THAP5: variants seen among roughly 807,000 people sequenced by gnomAD.
The protein encoded by THAP5 is THAP domain-containing protein 5.
THAP5 carries 26 observed loss-of-function variants against 34.0 expected under a neutral mutation model. That is an observed-to-expected ratio of 0.77 (90% confidence interval 0.56 to 1.06). THAP5 has a LOEUF of 1.06. Among genes scored for constraint, THAP5 ranks in the 50% least tolerant of loss-of-function variants. The probability of loss-of-function intolerance (pLI) is 0.00; values close to 1 mark genes in which losing one functional copy is unlikely to be tolerated. For synonymous variants in THAP5, 125 were observed against 153.0 expected, an observed-to-expected ratio of 0.82 and a Z score of 1.35; for missense variants, 394 against 452.8, an observed-to-expected ratio of 0.87 and a Z score of 1.18.
chr7:108,555,855 A>G (rs1250248517), intron 1 of THAP5, among the ~76,000 whole-genome samples: 2 of 151,816 alleles, frequency 1.3e-5, no homozygotes, highest in African/African-American at 2.4e-5. Flanking sequence ...GGCGAGCACC[A>G]CCATGCCTGG....
intron 2 of THAP5, 44 bp downstream of exon 2, chr7:108,565,786 T>C: frequency 1.6e-5 from 22 of 1,404,046 alleles, no homozygotes; most frequent in Non-Finnish European, 2.1e-5. Context: ...CACCCTGAAA[T>C]CTGCCACTCT....
chr7:108,548,337 A>C, the THAP5 span, among the ~76,000 whole-genome samples: 1 of 152,232 alleles, frequency 6.6e-6, no homozygotes, highest in Admixed American at 6.5e-5. Context: ...TGTGCTAGAC[A>C]ATGAAGCTAA....
the THAP5 span, among the ~76,000 whole-genome samples, chr7:108,542,171 T>C: frequency 6.6e-6 from 1 of 152,216 alleles, no homozygotes; most frequent in South Asian, 2.1e-4. Context: ...TCTATATCTA[T>C]ATCTATATCT....
intron 2 of THAP5, 131 bp from the exon 3 acceptor site, chr7:108,565,236 A>G: frequency 1.5e-6 from 1 of 649,250 alleles, no homozygotes. Context: ...AGCTCAGAGT[A>G]TATATACCTT....
chr7:108,551,516 T>G (rs1047040431), downstream of THAP5, among the ~76,000 whole-genome samples: 3 of 152,232 alleles, frequency 2.0e-5, no homozygotes, highest in Non-Finnish European at 2.9e-5. Context: ...GAAATGTTTT[T>G]CTTTGTAAAT....
At chr7:108,547,752 G>T in the THAP5 span, among the ~76,000 whole-genome samples, 1 of 152,178 alleles carries the variant, frequency 6.6e-6, no homozygotes, top group African/African-American at 2.4e-5. Context: ...TAGTTGAGCT[G>T]TTGTTTGTGT....
Position 108,569,519 on chromosome 7 carries a change from G to A in THAP5, c.51C>T (p.Asn17=). The part of the protein sequence containing the change: ...AICCKNRRGR[N]NKDRKLSFYP... ...AAAAACTCAGCTTCCGGTCTTTATT[G>A]TTTCGTCCCCGGCGGTTCTTACAAC... Residue 17 remains asparagine (N), a synonymous_variant, in exon 1 of 3, where the codon AAC becomes AAT. Coordinates refer to ENST00000415914, the MANE Select transcript of THAP5 (RefSeq NM_001130475.3). The A allele has an allele frequency of 6.4e-7, 1 of 1,551,818 alleles. No individual in the cohort carries two copies.
chr7:108,561,023 T>C (rs140377744), downstream of THAP5, among the ~76,000 whole-genome samples: 185 of 152,298 alleles, frequency 1.2e-3, no homozygotes, highest in African/African-American at 4.4e-3. Context: ...TGTGAGCCAC[T>C]GTGCCTGCCT....
the THAP5 span, among the ~76,000 whole-genome samples, chr7:108,545,998 C>G: frequency 6.6e-6 from 1 of 152,228 alleles, no homozygotes; most frequent in South Asian, 2.1e-4. Context: ...AGAGCCAGCA[C>G]AGAGTTAGCA....
intron 1 of THAP5, chr7:108,569,226 AG>A: frequency 2.2e-6 from 3 of 1,365,698 alleles, no homozygotes; most frequent in Non-Finnish European, 2.8e-6. Flanking sequence ...TGAAAACCAC[AG>A]AAGCCCGCGC....
chr7:108,559,982 T>A (rs40937), downstream of THAP5, among the ~76,000 whole-genome samples: 92,588 of 152,118 alleles, frequency 0.61, 29,045 homozygotes, highest in African/African-American at 0.77. Flanking sequence ...TTATTAAAAC[T>A]TTAAATATTT....
At chr7:108,550,264 C>G (rs762067543), downstream of THAP5, among the ~76,000 whole-genome samples, 16 of 151,842 alleles carry the variant, frequency 1.1e-4, no homozygotes, top group Admixed American at 6.6e-5. Context: ...TATTCTTGAC[C>G]CTTTGTGTCT....
Position 108,565,064 on chromosome 7 carries a change from C to A in THAP5, c.315G>T (p.Leu105Phe). The A allele has an allele frequency of 6.6e-7, 1 of 1,522,152 alleles. No individual in the cohort carries two copies. Among genetic ancestry groups the A allele is most frequent in the Non-Finnish European group, 8.8e-7 (1 of 1,135,954 alleles). 94.3% of individuals were successfully genotyped at this position (1,522,152 alleles called of 1,614,324 possible). Residue 105 changes from leucine (L) to phenylalanine (F), a missense_variant, in exon 3 of 3, where the codon TTG (leucine) becomes TTT (phenylalanine). Leu to Phe is a conservative substitution (Grantham distance 22). Coordinates refer to ENST00000415914, the MANE Select transcript of THAP5 (RefSeq NM_001130475.3). The part of the protein sequence containing the change: ...PSKKKSQKKN[L>F]EDEKEVCPKA... Reference sequence around the variant, plus strand: ...TTGGGCATACTTCTTTCTCATCTTCCAAGTTTTTCTTCTGGGATTTTTTTT... The same window carrying A: ...TTGGGCATACTTCTTTCTCATCTTCAAAGTTTTTCTTCTGGGATTTTTTTT...
downstream of THAP5, among the ~76,000 whole-genome samples, chr7:108,560,727 G>A (rs564716846): frequency 6.6e-6 from 1 of 152,180 alleles, no homozygotes; most frequent in Admixed American, 6.5e-5. Context: ...AATTACTATG[G>A]GGCACAACTG....
rs1790455421 is a variant in THAP5, at chr7:108,565,003, T to C, written c.376A>G (p.Thr126Ala). 3.9e-6 allele frequency: 6 copies of C among 1,552,020 alleles called. No homozygotes were observed. Among genetic ancestry groups the C allele is most frequent in the Non-Finnish European group, 5.2e-6 (6 of 1,147,054 alleles). The part of the protein sequence containing the change: ...KSEESFVLNE[T>A]KKNIVNTDVP... ...TCTGTGTTAACTATATTTTTCTTTG[T>C]CTCATTTAATACAAATGATTCTTCT... Residue 126 changes from threonine to alanine, a missense_variant, in exon 3 of 3, where the codon ACA becomes GCA. Thr to Ala is a moderately conservative substitution (Grantham distance 58). Coordinates refer to ENST00000415914, the MANE Select transcript of THAP5 (RefSeq NM_001130475.3).
downstream of THAP5, among the ~76,000 whole-genome samples, chr7:108,551,283 G>A (rs969935334): frequency 6.6e-6 from 1 of 152,196 alleles, no homozygotes; most frequent in African/African-American, 2.4e-5. Context: ...GTGTTGGGAG[G>A]TGGGGCTTTT....
chr7:108,549,853 G>A (rs1322982784), downstream of THAP5, among the ~76,000 whole-genome samples: 1 of 152,188 alleles, frequency 6.6e-6, no homozygotes. Flanking sequence ...TGAAGAACTC[G>A]ATGTTTCTGA....
rs1341044231 is a variant in THAP5, at chr7:108,569,603, C to G, written c.-34G>C. 1 of 1,549,160 alleles carries G rather than the reference C, an allele frequency of 6.5e-7. No individual in the cohort carries two copies. Among genetic ancestry groups the G allele is most frequent in the African/African-American group, 1.4e-5 (1 of 73,024 alleles). On this transcript the variant is annotated 5_prime_UTR_variant, in exon 1 of 3. Transcript: ENST00000415914. ...TGAGGCCCCTGGAGACCGGGGCCGG[C>G]GACGGATGCAGGGCGGCCCTCCTCA... is the stretch of plus-strand genomic sequence containing the variant.
At chr7:108,549,023 AC>A in the THAP5 span, among the ~76,000 whole-genome samples, 7 of 151,576 alleles carry the variant, frequency 4.6e-5, no homozygotes, top group East Asian at 1.4e-3. Context: ...TCCAGAGTCA[AC>A]CGCTTCTAAT....
Sources: allele counts gnomAD v4.1 joint callset (sites outside exome capture counted in the v4.1 genomes callset), GRCh38; gene constraint gnomAD v4.1.1; transcripts MANE v1.5; gene names NCBI Gene and HGNC (gene_info 2026-07-23, HGNC 2026-07-21).